The following ENOX2 variants were observed in gnomAD, a reference collection of about 807,000 sequenced individuals.
The protein encoded by ENOX2 is ecto-NOX disulfide-thiol exchanger 2.
ENOX2 carries 36 observed loss-of-function variants against 45.0 expected under a neutral mutation model. The observed-to-expected ratio is 0.80, with a 90% CI of 0.61 to 1.06. The LOEUF (loss-of-function observed/expected upper bound fraction) is 1.06. ENOX2 is among the 50% of genes least tolerant of loss of function. The pLI, the probability that ENOX2 is intolerant of heterozygous loss-of-function variation, is 0.00. For missense variants in ENOX2, 423 were observed against 462.5 expected (o/e 0.91, Z 0.78); for synonymous variants, 174 against 152.3 (o/e 1.14, Z -1.05).
chrX:130,776,790 T>A (rs1414063384), intron 3 of ENOX2, among the ~76,000 whole-genome samples: 1 of 111,827 alleles, frequency 8.9e-6, no homozygotes, highest in Non-Finnish European at 1.9e-5. Context: ...GGACACAAAC[T>A]GTCCCTTACC....
chrX:130,709,260 T>C (rs1378959448), intron 3 of ENOX2: 1 of 1,206,257 alleles, frequency 8.3e-7, no homozygotes, highest in Non-Finnish European at 1.1e-6. Flanking sequence ...GCCTATTTCG[T>C]AGACCCACAG....
chrX:130,634,845 C>T (rs1431229681), intron 12 of ENOX2, 139 bp downstream of exon 12: 21 of 427,905 alleles, frequency 4.9e-5, no homozygotes, highest in Middle Eastern at 7.2e-4. Context: ...GAATTACCCC[C>T]GAGAGGGGCT....
chrX:130,782,905 A>C (rs1205576248), intron 3 of ENOX2, among the ~76,000 whole-genome samples: 1 of 111,049 alleles, frequency 9.0e-6, no homozygotes, highest in African/African-American at 3.3e-5. Flanking sequence ...TTGGGGTAGG[A>C]GAAATTGCAA....
chrX:130,890,319 TG>T (rs1255746202), intron 2 of ENOX2, among the ~76,000 whole-genome samples: 46 of 111,435 alleles, frequency 4.1e-4, no homozygotes, highest in Non-Finnish European at 1.1e-4. Context: ...ACCATTGCAC[TG>T]TTTCCATTAT....
intron 3 of ENOX2, among the ~76,000 whole-genome samples, chrX:130,751,697 A>G (rs2039224791): frequency 8.9e-6 from 1 of 112,098 alleles, no homozygotes; most frequent in South Asian, 3.7e-4. Context: ...AAGGGTGCCA[A>G]TTTCTCCACA....
rs1470900374 is a variant in ENOX2, at chrX:130,742,635, T to C, written c.-38-39381A>G. 8.1e-5 allele frequency among the ~76,000 whole-genome samples: 9 copies of C among 111,644 alleles called. No homozygotes were observed. In the Admixed American group the frequency reaches 8.6e-4, roughly 11 times the overall value. On this transcript the variant is annotated intron_variant, in intron 3 of 14. Coordinates refer to ENST00000394363, the MANE Select transcript of ENOX2 (RefSeq NM_006375.4). ...AAAAATGGTACCACCCTTTATTGAG[T>C]GTATTTAAGGCACTACTGTATATAA...
intron 6 of ENOX2, among the ~76,000 whole-genome samples, chrX:130,672,774 T>C (rs1219598790): frequency 9.0e-6 from 1 of 111,621 alleles, no homozygotes; most frequent in African/African-American, 3.3e-5. Flanking sequence ...GTCTAAGAAG[T>C]GGAGCTGATG....
intron 9 of ENOX2, among the ~76,000 whole-genome samples, chrX:130,661,773 C>G (rs1207941940): frequency 2.7e-5 from 3 of 112,240 alleles, no homozygotes; most frequent in Non-Finnish European, 5.6e-5. Context: ...CAAGGGTATG[C>G]AGATTATTTG....
At chrX:130,782,012 A>G (rs2076905381) in intron 3 of ENOX2, among the ~76,000 whole-genome samples, 2 of 111,347 alleles carry the variant, frequency 1.8e-5, no homozygotes, top group Admixed American at 1.9e-4. Flanking sequence ...AAAGTATTAG[A>G]GTGCCGTACA....
chrX:130,835,539 A>G (rs2077915037), intron 2 of ENOX2, among the ~76,000 whole-genome samples: 1 of 111,427 alleles, frequency 9.0e-6, no homozygotes, highest in South Asian at 3.8e-4. Context: ...ATTTATTTAC[A>G]TGTAATATGT....
At chrX:130,701,233 G>A (rs777547537) in intron 4 of ENOX2, among the ~76,000 whole-genome samples, 1 of 110,970 alleles carries the variant, frequency 9.0e-6, no homozygotes, top group African/African-American at 3.3e-5. Flanking sequence ...TTACACATAT[G>A]GTCCAGACTG....
chrX:130,726,540 C>T (rs983613930), intron 3 of ENOX2, among the ~76,000 whole-genome samples: 13 of 112,605 alleles, frequency 1.2e-4, no homozygotes, highest in Admixed American at 7.5e-4. Flanking sequence ...AACATATATA[C>T]GAGTACAAAT....
At position 130,786,508 on chromosome X, in the gene ENOX2, G is replaced by A. The variant is rs746241439; in HGVS notation, c.-182-2818C>T. ...ATGCTGGTGCGCTGCACCCACTAAC[G>A]TGTCATCTAGCATTAGGTATATCTC... On this transcript the variant is annotated intron_variant, in intron 2 of 14. Coordinates refer to ENST00000394363, the MANE Select transcript of ENOX2 (RefSeq NM_006375.4). Among the ~76,000 whole-genome samples the A allele has an allele frequency of 8.3e-3, 786 of 94,460 alleles. 9 individuals are homozygous for A. The highest frequency in any genetic ancestry group is 0.029 in the African/African-American group (730 of 25,564). The allele number at this position is 94,460 out of a possible 115,157, so 82.0% of individuals were successfully genotyped here.
chrX:130,703,237 G>A lies in ENOX2; in HGVS notation c.-21C>T. 3 of 1,195,030 alleles carry A rather than the reference G, an allele frequency of 2.5e-6. No homozygotes were observed. The South Asian group carries it at 5.7e-5, about 23-fold the overall frequency. On this transcript the variant is annotated 5_prime_UTR_variant, in exon 4 of 15. Transcript: ENST00000394363. ...GTCATTGCAGTGGAATCCACGTTCA[G>A]AGTTCTACTGTTATCGGCTGAAAAG...
Position 130,622,786 on chromosome X carries a change from G to C in ENOX2, c.*2528C>G, listed in dbSNP as rs187134703. On this transcript the variant is annotated 3_prime_UTR_variant, in exon 15 of 15. Coordinates refer to ENST00000394363, the MANE Select transcript of ENOX2 (RefSeq NM_006375.4). Reference sequence around the variant, plus strand: ...TGTGTAATATAATGTATATTCATATGTATATATCTATGCTTATCTATATAT... The same window carrying C: ...TGTGTAATATAATGTATATTCATATCTATATATCTATGCTTATCTATATAT... Among the ~76,000 whole-genome samples, 217 of 111,859 alleles carry C rather than the reference G, an allele frequency of 1.9e-3. No individual in the cohort carries two copies. Among genetic ancestry groups the C allele is most frequent in the African/African-American group, 6.8e-3 (208 of 30,754 alleles).
chrX:130,699,871 A>G (rs2037854341), intron 4 of ENOX2, among the ~76,000 whole-genome samples: 1 of 112,401 alleles, frequency 8.9e-6, no homozygotes. Context: ...AAAGGTAAAG[A>G]TGAGTCATAA....
chrX:130,793,447 A>T (rs1329435543), intron 2 of ENOX2, among the ~76,000 whole-genome samples: 1 of 112,037 alleles, frequency 8.9e-6, no homozygotes. Context: ...TTAGGAGACC[A>T]TATTCATCAC....
At chrX:130,884,884 C>G (rs1373836328) in intron 2 of ENOX2, among the ~76,000 whole-genome samples, 3 of 111,574 alleles carry the variant, frequency 2.7e-5, no homozygotes, top group South Asian at 7.5e-4. Flanking sequence ...GCCAGTATAT[C>G]TTAAAATACA....
intron 10 of ENOX2, among the ~76,000 whole-genome samples, chrX:130,642,545 C>T (rs1471573186): frequency 8.9e-6 from 1 of 112,417 alleles, no homozygotes; most frequent in Non-Finnish European, 1.9e-5. Context: ...AAAAGTTCTA[C>T]TGTGGGTAAA....
Sources: gnomAD v4.1 joint callset for allele counts (sites outside exome capture counted in the v4.1 genomes callset) on GRCh38, gnomAD v4.1.1 for gene constraint, MANE v1.5 for transcripts, NCBI Gene and HGNC (gene_info 2026-07-23, HGNC 2026-07-21) for gene names.